Variants in HEATR1 observed in about 807,000 individuals in gnomAD.
HEATR1 encodes the protein HEAT repeat containing 1.
In HEATR1, 77 loss-of-function variants were observed where a neutral mutation model predicts 248.2. The observed-to-expected ratio is 0.31, with a 90% confidence interval of 0.26 to 0.37. HEATR1 has a LOEUF of 0.37. Ranked by LOEUF, HEATR1 falls within the 10% of genes least tolerant of loss-of-function variation. HEATR1 has a pLI of 1.00. For missense variants in HEATR1, 2,420 were observed against 2,504.9 expected, an observed-to-expected ratio of 0.97 and a Z score of 0.72; for synonymous variants, 897 against 923.1, an observed-to-expected ratio of 0.97 and a Z score of 0.51.
At chr1:236,560,334 CA>C (rs113857916) in intron 33 of HEATR1, among the ~76,000 whole-genome samples, 79,356 of 149,658 alleles carry the variant, frequency 0.53, 24,493 homozygotes, top group Non-Finnish European at 0.69. Context: ...TATTAGGAGA[CA>C]AAAAAAAAAG....
At chr1:236,571,802 A>G in intron 26 of HEATR1, 116 bp from the exon 27 acceptor site, 1 of 703,444 alleles carries the variant, frequency 1.4e-6, no homozygotes, top group Non-Finnish European at 2.5e-6. Context: ...ATAAGGAATA[A>G]CTAAAATACT....
intron 41 of HEATR1, 116 bp downstream of exon 41, chr1:236,555,179 AG>A (rs1662928238): frequency 5.7e-6 from 6 of 1,046,650 alleles, no homozygotes; most frequent in Admixed American, 2.3e-5. Flanking sequence ...CACCCTCCTT[AG>A]CTTAGGACTT....
intron 43 of HEATR1, chr1:236,553,070 C>T (rs2759002): frequency 0.47 from 71,875 of 152,112 alleles, 21,098 homozygotes; most frequent in Non-Finnish European, 0.64. Flanking sequence ...GTTTGAAATT[C>T]GTAACACTTG....
At position 236,550,696 on chromosome 1, in the gene HEATR1, T is replaced by C. The variant is rs1378295006; in HGVS notation, c.*206A>G. On this transcript the variant is annotated 3_prime_UTR_variant, in exon 45 of 45. Transcript: ENST00000366582. Reference sequence around the variant, plus strand: ...AAAAATACCGTGTATCATTTACTCTTTCTGCAGCTCTATACGATAGGCAGG... The same window carrying C: ...AAAAATACCGTGTATCATTTACTCTCTCTGCAGCTCTATACGATAGGCAGG... 2.1e-6 allele frequency: 1 copy of C among 472,262 alleles called. No homozygotes were observed. 29.3% of individuals were successfully genotyped at this position (472,262 alleles called of 1,614,324 possible). A position where few individuals can be genotyped will look rare whatever the true frequency, so the allele number is the denominator to read the frequency against.
chr1:236,554,545 A>G (rs991765626), intron 42 of HEATR1, 53 bp downstream of exon 42: 2 of 1,564,790 alleles, frequency 1.3e-6, no homozygotes. Context: ...AAACCTGCCA[A>G]GCTCGAACAG....
Position 236,587,471 on chromosome 1 carries a change from C to G in HEATR1, c.1646G>C (p.Ser549Thr). 6.6e-7 allele frequency: 1 copy of G among 1,518,794 alleles called. No homozygotes were observed. Among genetic ancestry groups the G allele is most frequent in the Non-Finnish European group, 8.9e-7 (1 of 1,126,344 alleles). The allele number at this position is 1,518,794 out of a possible 1,614,324, so 94.1% of individuals were successfully genotyped here. A position where few individuals can be genotyped will look rare whatever the true frequency, so the allele number is the denominator to read the frequency against. Reference sequence around the variant, plus strand: ...AAGATTTGAAATCGTCACTTCTGAACTGAAGTGTTCTTTGAAAATCTAAAG... The same window carrying G: ...AAGATTTGAAATCGTCACTTCTGAAGTGAAGTGTTCTTTGAAAATCTAAAG... ...SAFEIFKEHF[S>T]SEVTISNLLN... is the part of the protein sequence containing the mutation. Residue 549 changes from serine (S) to threonine (T), a missense_variant, in exon 14 of 45, where the codon AGT becomes ACT. Coordinates refer to ENST00000366582, the MANE Select transcript of HEATR1 (RefSeq NM_018072.6).
chr1:236,561,109 T>C, intron 33 of HEATR1, 116 bp downstream of exon 33: 1 of 773,362 alleles, frequency 1.3e-6, no homozygotes, highest in South Asian at 1.7e-5. Context: ...GAAAGTATTA[T>C]CAAATGGTGA....
Position 236,554,667 on chromosome 1 carries a change from G to C in HEATR1, c.6009C>G (p.Phe2003Leu). Reference sequence around the variant, plus strand: ...TTATAAAATGCTGGGTATCAAAAAGGAAGATTTTGTATAAACAGTTCAAAA... The same window carrying C: ...TTATAAAATGCTGGGTATCAAAAAGCAAGATTTTGTATAAACAGTTCAAAA... ...QFILNCLYKI[F>L]LFDTQHFISK... is the part of the protein sequence containing the mutation. Residue 2003 changes from phenylalanine (F) to leucine (L), a missense_variant, in exon 42 of 45, where the codon TTC becomes TTG. Phe to Leu is a conservative substitution (Grantham distance 22). Transcript: ENST00000366582. 2 of 1,613,478 alleles carry C rather than the reference G, an allele frequency of 1.2e-6. No homozygotes were observed. The highest frequency in any genetic ancestry group is 1.7e-6 in the Non-Finnish European group (2 of 1,179,722).
chr1:236,596,857 T>C lies in HEATR1; in HGVS notation c.723A>G (p.Lys241=). 2 of 1,613,518 alleles carry C rather than the reference T, an allele frequency of 1.2e-6. No homozygotes were observed. The highest frequency in any genetic ancestry group is 1.1e-5 in the South Asian group (1 of 90,968). The stretch of plus-strand genomic sequence containing the variant: ...CAACCTTTTGGATATAGGGAAATAG[T>C]TTGGCGATGATATTGTCTGATACGT... ...AEDVSDNIIA[K]LFPYIQKGLK... The change falls in exon 6 of 45, where the codon AAA becomes AAG. Residue 241 remains lysine (K), a synonymous_variant. Coordinates refer to ENST00000366582, the MANE Select transcript of HEATR1 (RefSeq NM_018072.6).
intron 28 of HEATR1, among the ~76,000 whole-genome samples, chr1:236,571,135 T>C (rs1663414202): frequency 6.6e-6 from 1 of 152,106 alleles, no homozygotes; most frequent in African/African-American, 2.4e-5. Context: ...GTGAAGAAGG[T>C]TATTATTCCC....
At chr1:236,596,176 A>G in intron 6 of HEATR1, 132 bp from the exon 7 acceptor site, 1 of 668,606 alleles carries the variant, frequency 1.5e-6, no homozygotes, top group Admixed American at 2.9e-5. Context: ...CTCTTCAGAC[A>G]TAAACAATAA....
chr1:236,572,369 T>C, intron 26 of HEATR1, 42 bp downstream of exon 26: 1 of 1,593,612 alleles, frequency 6.3e-7, no homozygotes, highest in Non-Finnish European at 8.6e-7. Flanking sequence ...GGGCAAGAAT[T>C]AGAGTCCTAT....
At position 236,556,529 on chromosome 1, in the gene HEATR1, G is replaced by A. The variant is rs180845906; in HGVS notation, c.5356-271C>T. 1.2e-3 allele frequency among the ~76,000 whole-genome samples: 186 copies of A among 152,312 alleles called. 1 individual carries two copies. Among genetic ancestry groups the A allele is most frequent in the Non-Finnish European group, 1.0e-3 (68 of 68,032 alleles). On this transcript the variant is annotated intron_variant, in intron 37 of 44. Transcript: ENST00000366582. ...GACAGATGATTTTCTTAGAGGACAG[G>A]AATGCAAGGGACCACGGCAAGAGTC...
chr1:236,569,375 G>A (rs1347713765), intron 28 of HEATR1, among the ~76,000 whole-genome samples: 1 of 151,926 alleles, frequency 6.6e-6, no homozygotes, highest in Non-Finnish European at 1.5e-5. Flanking sequence ...TAAGGGTGGG[G>A]TCTCACTATG....
At position 236,603,412 on chromosome 1, in the gene HEATR1, C is replaced by T. The variant is rs753463028; in HGVS notation, c.143-36G>A. On this transcript the variant is annotated intron_variant, in intron 2 of 44. Transcript: ENST00000366582. ...AAAAAGGCCAGTTTATTTAACAATT[C>T]TTCGTAAGCAAATTCATCCCACCCC... 5 of 1,561,808 alleles carry T rather than the reference C, an allele frequency of 3.2e-6. No homozygotes were observed. The South Asian group carries it at 3.3e-5, about 10-fold the overall frequency.
intron 17 of HEATR1, among the ~76,000 whole-genome samples, chr1:236,584,819 A>C (rs1300866063): frequency 6.6e-6 from 1 of 152,148 alleles, no homozygotes; most frequent in Non-Finnish European, 1.5e-5. Context: ...GCAACCCTAA[A>C]ATTTTATAAT....
At position 236,555,467 on chromosome 1, in the gene HEATR1, G is replaced by GA. The variant is rs1184110435; in HGVS notation, c.5755-4dup. On this transcript the variant is annotated splice_region_variant and splice_polypyrimidine_tract_variant and intron_variant, in intron 40 of 44. Coordinates refer to ENST00000366582, the MANE Select transcript of HEATR1 (RefSeq NM_018072.6). ...TCTGTTTTAGCCCAATCAAACAGCTGAAAGGATAAGACAGTATTAGTTTCT... is the reference window on the plus strand; with the variant it reads ...TCTGTTTTAGCCCAATCAAACAGCTGAAAAGGATAAGACAGTATTAGTTTCT... 1 of 1,614,084 alleles carries GA rather than the reference G, an allele frequency of 6.2e-7. No individual in the cohort carries two copies. The highest frequency in any genetic ancestry group is 1.3e-5 in the African/African-American group (1 of 74,942).
At position 236,564,565 on chromosome 1, in the gene HEATR1, C is replaced by A. The variant is rs746638530; in HGVS notation, c.4532G>T (p.Arg1511Leu). 1 of 1,613,896 alleles carries A rather than the reference C, an allele frequency of 6.2e-7. No homozygotes were observed. The highest frequency in any genetic ancestry group is 1.7e-5 in the Admixed American group (1 of 60,014). The change falls in exon 32 of 45, where the codon CGG (arginine) becomes CTG (leucine). Residue 1511 changes from arginine to leucine, a missense_variant. Arg to Leu is a moderately radical substitution (Grantham distance 102). Coordinates refer to ENST00000366582, the MANE Select transcript of HEATR1 (RefSeq NM_018072.6). ...NVETHTSKQLRHFKFLSVSFM... is the reference protein window; with the variant it reads ...NVETHTSKQLLHFKFLSVSFM... ...GGACACTGACAAAAATTTAAAATGC[C>A]GCAGTTGCTTGCTAGTGTGAGTCTC...
chr1:236,603,473 G>T, intron 2 of HEATR1, 97 bp from the exon 3 acceptor site: 1 of 904,090 alleles, frequency 1.1e-6, no homozygotes, highest in East Asian at 2.5e-5. Context: ...AGAAGTTTCT[G>T]AATTCTTTAA....
Sources: gnomAD v4.1 joint callset for allele counts (sites outside exome capture counted in the v4.1 genomes callset) on GRCh38, gnomAD v4.1.1 for gene constraint, MANE v1.5 for transcripts, NCBI Gene and HGNC (gene_info 2026-07-23, HGNC 2026-07-21) for gene names.